The following WNK1 variants were observed in gnomAD, a reference collection of about 807,000 sequenced individuals.
The protein encoded by WNK1 is serine/threonine-protein kinase WNK1.
A neutral mutation model predicts 222.8 loss-of-function variants in WNK1; 38 were observed. The ratio of observed to expected loss-of-function variants is 0.17; its 90% CI spans 0.13 to 0.22. WNK1 has a LOEUF of 0.22. Ranked by LOEUF, WNK1 falls within the 10% of genes least tolerant of loss-of-function variation. WNK1 has a pLI of 1.00. For missense variants in WNK1, 2,348 were observed against 2,918.4 expected, an observed-to-expected ratio of 0.80 and a Z score of 4.50; for synonymous variants, 1,090 against 1,092.9, an observed-to-expected ratio of 1.00 and a Z score of 0.05.
At chr12:855,304 A>G (rs1950699270) in intron 4 of WNK1, among the ~76,000 whole-genome samples, 1 of 152,240 alleles carries the variant, frequency 6.6e-6, no homozygotes, top group East Asian at 1.9e-4. Flanking sequence ...GCTTTTAAAT[A>G]CATGAATTTA....
At position 883,918 on chromosome 12, in the gene WNK1, C is replaced by G. The variant is rs1442280238; in HGVS notation, c.3721+87C>G. ...TGGCAGGCTTCTGTAGTCCCAGCTA[C>G]TCAGGAGGCCGAGGCACGAGAATCG... is the stretch of plus-strand genomic sequence containing the variant. On this transcript the variant is annotated intron_variant, in intron 17 of 27. Transcript: ENST00000315939. 1.0e-5 allele frequency: 16 copies of G among 1,551,286 alleles called. No individual in the cohort carries two copies. In the African/African-American group the frequency reaches 1.9e-4, roughly 18 times the overall value.
chr12:831,921 A>G (rs1185000845), intron 4 of WNK1, among the ~76,000 whole-genome samples: 1 of 152,090 alleles, frequency 6.6e-6, no homozygotes, highest in African/African-American at 2.4e-5. Flanking sequence ...GTGGTGCTGT[A>G]TATGTTATAT....
chr12:768,139 G>A (rs1299884003), intron 1 of WNK1, among the ~76,000 whole-genome samples: 2 of 151,964 alleles, frequency 1.3e-5, no homozygotes, highest in Non-Finnish European at 2.9e-5. Context: ...TTTTTTGTTC[G>A]TTTGTTTTTG....
intron 1 of WNK1, among the ~76,000 whole-genome samples, chr12:772,883 GTTTGT>G (rs1942697842): frequency 6.6e-6 from 1 of 152,170 alleles, no homozygotes; most frequent in Non-Finnish European, 1.5e-5. Context: ...ATTATCAGTA[GTTTGT>G]TTTTAGAACA....
At position 854,355 on chromosome 12, in the gene WNK1, C is replaced by CTTTTTTTTTTTTT. The variant is rs765372764; in HGVS notation, c.1312-2795_1312-2794insTTTTTTTTTTTTT. On this transcript the variant is annotated intron_variant, in intron 4 of 27. Transcript: ENST00000315939. ...CAACAGAGCAAGAACTTATCATTAT[C>CTTTTTTTTTTTTT]TTTTTTTTTTTGTTTTTTTTGAGAC... Among the ~76,000 whole-genome samples the CTTTTTTTTTTTTT allele has an allele frequency of 4.1e-5, 4 of 97,742 alleles. 1 individual carries two copies. The highest frequency in any genetic ancestry group is 7.7e-5 in the Non-Finnish European group (4 of 52,108). The allele number at this position is 97,742 out of a possible 152,430, so 64.1% of individuals were successfully genotyped here. A position where few individuals can be genotyped will look rare whatever the true frequency, so the allele number is the denominator to read the frequency against.
intron 19 of WNK1, among the ~76,000 whole-genome samples, chr12:886,394 C>T (rs1447462193): frequency 3.9e-5 from 6 of 152,028 alleles, no homozygotes; most frequent in Admixed American, 3.9e-4. Flanking sequence ...CAAAAGGGAG[C>T]TAAATGCATC....
chr12:764,106 G>A (rs1336338924), intron 1 of WNK1, among the ~76,000 whole-genome samples: 3 of 147,042 alleles, frequency 2.0e-5, no homozygotes, highest in Admixed American at 2.0e-4. Flanking sequence ...CTGAAATAAT[G>A]GAAGTAAATG....
rs773704076 is a variant in WNK1 at position 857,269 on chromosome 12, C to T, written c.1400+20C>T. ...TGAAAGGTAAGTTGCCTCTTTTGAT[C>T]TGGGTGATACTTGAACAAAACCTAA... On this transcript the variant is annotated intron_variant, in intron 5 of 27. Coordinates refer to ENST00000315939, the MANE Select transcript of WNK1 (RefSeq NM_018979.4). 2.1e-5 allele frequency: 34 copies of T among 1,604,292 alleles called. No homozygotes were observed. Among genetic ancestry groups the T allele is most frequent in the Middle Eastern group, 1.6e-4 (1 of 6,066 alleles).
At chr12:780,654 A>T (rs1231677205) in intron 1 of WNK1, among the ~76,000 whole-genome samples, 1 of 152,228 alleles carries the variant, frequency 6.6e-6, no homozygotes, top group East Asian at 1.9e-4. Flanking sequence ...GGTTATTGAA[A>T]ACCAAATAGG....
At chr12:798,820 G>A (rs146183054) in intron 1 of WNK1, among the ~76,000 whole-genome samples, 2,216 of 152,016 alleles carry the variant, frequency 0.015, 29 homozygotes, top group Middle Eastern at 0.048. Context: ...CTTGACACTC[G>A]TGGTATTTCT....
intron 25 of WNK1, among the ~76,000 whole-genome samples, chr12:899,648 A>T (rs189303460): frequency 6.6e-6 from 1 of 152,298 alleles, no homozygotes; most frequent in East Asian, 1.9e-4. Context: ...TCAACTGGGA[A>T]CCGGGGAGCA....
intron 1 of WNK1, among the ~76,000 whole-genome samples, chr12:782,819 A>G (rs1313940371): frequency 3.3e-5 from 5 of 151,498 alleles, no homozygotes; most frequent in African/African-American, 1.2e-4. Flanking sequence ...TAAATTTTCT[A>G]GTAGCCACAT....
chr12:793,094 C>T (rs988588015), intron 1 of WNK1, among the ~76,000 whole-genome samples: 7 of 152,154 alleles, frequency 4.6e-5, no homozygotes, highest in Non-Finnish European at 2.9e-5. Flanking sequence ...TATGATCCTC[C>T]TGTACCTAAG....
Position 911,309 on chromosome 12 carries a change from G to GTTTC in WNK1, c.*2519_*2522dup, listed in dbSNP as rs2154106247. On this transcript the variant is annotated 3_prime_UTR_variant, in exon 28 of 28. Transcript: ENST00000315939. ...AAAAATAAAAATTCAAACTTTGGGGGTTTCTCAGCAGCCGTTAATTGTACA... is the reference window on the plus strand; with the variant it reads ...AAAAATAAAAATTCAAACTTTGGGGGTTTCTTTCTCAGCAGCCGTTAATTGTACA... 2 of 398,548 alleles carry GTTTC rather than the reference G, an allele frequency of 5.0e-6. No homozygotes were observed. Among genetic ancestry groups the GTTTC allele is most frequent in the East Asian group, 7.1e-5 (2 of 28,056 alleles). 24.7% of individuals were successfully genotyped at this position (398,548 alleles called of 1,614,324 possible). A position where few individuals can be genotyped will look rare whatever the true frequency, so the allele number is the denominator to read the frequency against.
chr12:855,965 G>C (rs1331827712), intron 4 of WNK1, among the ~76,000 whole-genome samples: 1 of 151,408 alleles, frequency 6.6e-6, no homozygotes, highest in Non-Finnish European at 1.5e-5. Context: ...TCAGCCTCCC[G>C]AGTAGCTGGG....
intron 9 of WNK1, 102 bp from the exon 10 acceptor site, chr12:878,110 A>G: frequency 6.9e-7 from 1 of 1,452,726 alleles, no homozygotes; most frequent in Non-Finnish European, 9.6e-7. Context: ...TACTAAAATC[A>G]TCATTATTTA....
At chr12:766,506 T>A (rs1382777252) in intron 1 of WNK1, among the ~76,000 whole-genome samples, 1 of 151,946 alleles carries the variant, frequency 6.6e-6, no homozygotes, top group East Asian at 1.9e-4. Flanking sequence ...TTTGAGACAG[T>A]CTCGCTCTGT....
intron 9 of WNK1, among the ~76,000 whole-genome samples, chr12:873,617 C>T (rs1168645602): frequency 6.6e-6 from 1 of 152,044 alleles, no homozygotes; most frequent in Non-Finnish European, 1.5e-5. Context: ...TTGTTTCTTC[C>T]ATTTTAAATA....
intron 1 of WNK1, among the ~76,000 whole-genome samples, chr12:797,749 G>A (rs1197860707): frequency 4.6e-5 from 7 of 151,766 alleles, no homozygotes; most frequent in Admixed American, 2.6e-4. Flanking sequence ...AGTTCGAGAC[G>A]AGCCTGGCCA....
Sources: allele counts gnomAD v4.1 joint callset (sites outside exome capture counted in the v4.1 genomes callset), GRCh38; gene constraint gnomAD v4.1.1; transcripts MANE v1.5; gene names NCBI Gene and HGNC (gene_info 2026-07-23, HGNC 2026-07-21).